The following WNT9A variants were observed in gnomAD, a reference collection of about 807,000 sequenced individuals.
The protein encoded by WNT9A is Wnt family member 9A.
In WNT9A, 8 loss-of-function variants were observed where a neutral mutation model predicts 31.4. The ratio of observed to expected loss-of-function variants is 0.26; its 90% CI spans 0.15 to 0.46. WNT9A has a LOEUF of 0.46. WNT9A is among the 20% of genes least tolerant of loss of function. The probability of loss-of-function intolerance (pLI) is 0.99; values close to 1 mark genes in which losing one functional copy is unlikely to be tolerated. For missense variants in WNT9A, 457 were observed against 522.9 expected, an observed-to-expected ratio of 0.87 and a Z score of 1.23; for synonymous variants, 236 against 220.1, an observed-to-expected ratio of 1.07 and a Z score of -0.64.
intron 3 of WNT9A, among the ~76,000 whole-genome samples, chr1:227,922,833 C>T (rs561338343): frequency 3.5e-4 from 53 of 152,228 alleles, no homozygotes; most frequent in Non-Finnish European, 4.9e-4. Flanking sequence ...GCTCTGCTCC[C>T]ACGCCAGCAG....
At chr1:227,936,525 G>A (rs549304910) in intron 1 of WNT9A, among the ~76,000 whole-genome samples, 1 of 152,222 alleles carries the variant, frequency 6.6e-6, no homozygotes, top group Non-Finnish European at 1.5e-5. Flanking sequence ...AGTAGAGACG[G>A]GGTTTCACCA....
At position 227,921,756 on chromosome 1, in the gene WNT9A, G is replaced by A. The variant is rs144628753; in HGVS notation, c.860C>T (p.Pro287Leu). Residue 287 changes from proline (P) to leucine (L), a missense_variant, in exon 4 of 4, where the codon CCA becomes CTA. By Grantham distance (98) the Pro-to-Leu change is moderately conservative. Coordinates refer to ENST00000272164, the MANE Select transcript of WNT9A (RefSeq NM_003395.4). ...AGGSDPLPRT[P>L]ELVHLDDSPS... ...CGAGTCATCCAGGTGCACCAGCTCTGGAGTGCGGGGCAGCGGGTCGCTGCC... is the reference window on the plus strand; with the variant it reads ...CGAGTCATCCAGGTGCACCAGCTCTAGAGTGCGGGGCAGCGGGTCGCTGCC... 5 of 1,612,392 alleles carry A rather than the reference G, an allele frequency of 3.1e-6. No individual in the cohort carries two copies. In the East Asian group the frequency reaches 6.7e-5, roughly 22 times the overall value.
intron 1 of WNT9A, 112 bp downstream of exon 1, chr1:227,947,681 C>G (rs573709285): frequency 3.6e-6 from 2 of 560,774 alleles, no homozygotes; most frequent in African/African-American, 2.0e-5. Context: ...ACCCGGCGGC[C>G]CCGCCGCGCC....
At chr1:227,930,225 T>C (rs550096827) in intron 1 of WNT9A, among the ~76,000 whole-genome samples, 1 of 152,296 alleles carries the variant, frequency 6.6e-6, no homozygotes, top group East Asian at 1.9e-4. Flanking sequence ...AGCCACCCTA[T>C]GTGAATCCAT....
At chr1:227,943,093 C>T (rs1368888091) in intron 1 of WNT9A, among the ~76,000 whole-genome samples, 2 of 152,244 alleles carry the variant, frequency 1.3e-5, no homozygotes, top group Non-Finnish European at 2.9e-5. Flanking sequence ...CAGCCTCCCT[C>T]TTGGACCCTG....
chr1:227,941,775 C>T (rs1463415101), intron 1 of WNT9A: 1 of 152,332 alleles, frequency 6.6e-6, no homozygotes, highest in South Asian at 2.1e-4. Flanking sequence ...TGGCTCAGTC[C>T]CCAGTCCCAC....
intron 1 of WNT9A, among the ~76,000 whole-genome samples, chr1:227,930,505 A>G (rs1224228984): frequency 6.6e-6 from 1 of 152,200 alleles, no homozygotes; most frequent in African/African-American, 2.4e-5. Context: ...ACACACCACC[A>G]CACATCAGCC....
At chr1:227,932,791 T>C (rs1222899616) in intron 1 of WNT9A, among the ~76,000 whole-genome samples, 1 of 152,218 alleles carries the variant, frequency 6.6e-6, no homozygotes, top group Admixed American at 6.5e-5. Flanking sequence ...TGAGCAATAA[T>C]ACTTTGCAGG....
intron 1 of WNT9A, among the ~76,000 whole-genome samples, chr1:227,945,874 G>T (rs1211112348): frequency 6.6e-6 from 1 of 152,098 alleles, no homozygotes; most frequent in African/African-American, 2.4e-5. Context: ...CAGCCCAGAT[G>T]GAACCTGGCC....
chr1:227,946,272 G>C (rs1666791339), intron 1 of WNT9A, among the ~76,000 whole-genome samples: 1 of 152,244 alleles, frequency 6.6e-6, no homozygotes, highest in Non-Finnish European at 1.5e-5. Context: ...GAGAAGGAGA[G>C]GCCAAGACCC....
chr1:227,943,615 G>A (rs945764157), intron 1 of WNT9A, among the ~76,000 whole-genome samples: 82 of 152,292 alleles, frequency 5.4e-4, no homozygotes, highest in African/African-American at 1.9e-3. Flanking sequence ...GTGGAGAAAG[G>A]AGCCTTTCTG....
chr1:227,926,784 C>T lies in WNT9A; in HGVS notation c.96-1265G>A, dbSNP rs1481108635. Among the ~76,000 whole-genome samples the T allele has an allele frequency of 3.3e-5, 5 of 152,010 alleles. No homozygotes were observed. The highest frequency in any genetic ancestry group is 1.2e-4 in the African/African-American group (5 of 41,418). ...CCGGGGTGCCAGCTTGGGAAGGCTC[C>T]CCCCACACCCTCACATGGCCCTGCT... is the stretch of plus-strand genomic sequence containing the variant. On this transcript the variant is annotated intron_variant, in intron 1 of 3. Transcript: ENST00000272164. This position sits in a 1 kb window ranked among gnomAD's most constrained non-coding sequence, Gnocchi z 5.0.
chr1:227,923,058 C>A (rs1666352785), intron 3 of WNT9A, among the ~76,000 whole-genome samples: 1 of 152,158 alleles, frequency 6.6e-6, no homozygotes, highest in Non-Finnish European at 1.5e-5. Flanking sequence ...GGGGGTCATA[C>A]ACAAAGGAAA....
At chr1:227,945,621 C>T (rs35799012) in intron 1 of WNT9A, among the ~76,000 whole-genome samples, 20,541 of 152,138 alleles carry the variant, frequency 0.14, 1,726 homozygotes, top group East Asian at 0.21. Flanking sequence ...AGGGAGAAAA[C>T]GGCCCTAGAT....
chr1:227,921,339 A>T lies in WNT9A; in HGVS notation c.*179T>A. ...GCCCAGGGACTCACCCCACGCTGCT[A>T]GGTCTGAGCCCAGGGACTCAGCCCA... On this transcript the variant is annotated 3_prime_UTR_variant, in exon 4 of 4. Transcript: ENST00000272164. 1.0e-6 allele frequency: 1 copy of T among 954,902 alleles called. No homozygotes were observed. The highest frequency in any genetic ancestry group is 1.5e-6 in the Non-Finnish European group (1 of 659,200). The allele number at this position is 954,902 out of a possible 1,614,324, so 59.2% of individuals were successfully genotyped here.
intron 1 of WNT9A, among the ~76,000 whole-genome samples, chr1:227,930,184 C>A (rs1443784886): frequency 6.6e-6 from 1 of 152,220 alleles, no homozygotes; most frequent in Non-Finnish European, 1.5e-5. Flanking sequence ...TCCACACGCT[C>A]TGTGGCGTGT....
In WNT9A at chr1:227,942,255, G is replaced by T. The variant is rs1022721147; in HGVS notation, c.95+5538C>A. ...GTGGCAGGCCAGGCACTGCTGCTCC[G>T]TCCTTACCACACACCCTCCACACCC... On this transcript the variant is annotated intron_variant, in intron 1 of 3. Coordinates refer to ENST00000272164, the MANE Select transcript of WNT9A (RefSeq NM_003395.4). This position sits in a 1 kb window ranked among gnomAD's most constrained non-coding sequence, Gnocchi z 5.7. 6.6e-6 allele frequency among the ~76,000 whole-genome samples: 1 copy of T among 152,100 alleles called. No homozygotes were observed. Among genetic ancestry groups the T allele is most frequent in the African/African-American group, 2.4e-5 (1 of 41,426 alleles).
In WNT9A at chr1:227,924,154, T is replaced by C. The variant is rs1047841329; in HGVS notation, c.599A>G (p.Asn200Ser). 2.3e-6 allele frequency: 3 copies of C among 1,319,562 alleles called. No individual in the cohort carries two copies. The highest frequency in any genetic ancestry group is 3.0e-6 in the Non-Finnish European group (3 of 990,094). The allele number at this position is 1,319,562 out of a possible 1,614,324, so 81.7% of individuals were successfully genotyped here. The stretch of plus-strand genomic sequence containing the variant: ...CCCACTTGCCTTCACACCCACGAGG[T>C]TGTTGTGGAAGTCCACACGGGCTCG... ...DLRARVDFHN[N>S]LVGVKVIKAG... The change falls in exon 3 of 4, where the codon AAC becomes AGC. Residue 200 changes from asparagine (N) to serine (S), a missense_variant. Transcript: ENST00000272164.
intron 1 of WNT9A, among the ~76,000 whole-genome samples, chr1:227,931,880 C>CTTTTTTTT (rs33949354): frequency 1.4e-5 from 2 of 142,604 alleles, no homozygotes. Flanking sequence ...GTGGAAATGT[C>CTTTTTTTT]TTTTTTTTTT....
Sources: allele counts gnomAD v4.1 joint callset (sites outside exome capture counted in the v4.1 genomes callset), GRCh38; gene constraint gnomAD v4.1.1; non-coding constraint Gnocchi (gnomAD v3.1); transcripts MANE v1.5; gene names NCBI Gene and HGNC (gene_info 2026-07-23, HGNC 2026-07-21).